Variants in DSE observed in about 807,000 individuals in gnomAD.
DSE encodes dermatan-sulfate epimerase.
DSE carries 36 observed loss-of-function variants against 84.4 expected under a neutral mutation model. That is an observed-to-expected ratio of 0.43 (90% CI 0.33 to 0.56). The LOEUF (loss-of-function observed/expected upper bound fraction) is 0.56. Ranked by LOEUF, DSE falls within the 20% of genes least tolerant of loss-of-function variation. The pLI is 0.06. For synonymous variants in DSE, 410 were observed against 430.1 expected (o/e 0.95, Z 0.58); for missense variants, 862 against 1,169.6 (o/e 0.74, Z 3.84).
chr6:116,379,064 C>G (rs1171280583), intron 1 of DSE, among the ~76,000 whole-genome samples: 1 of 152,046 alleles, frequency 6.6e-6, no homozygotes, highest in Non-Finnish European at 1.5e-5. Context: ...TAAGAAGATG[C>G]AATCTCCAGC....
chr6:116,343,622 T>G (rs1476174193), intron 2 of DSE, among the ~76,000 whole-genome samples: 1 of 151,882 alleles, frequency 6.6e-6, no homozygotes, highest in Non-Finnish European at 1.5e-5. Flanking sequence ...AGAAAGGACA[T>G]CCACACTATC....
At chr6:116,258,381 C>A in intron 1 of DSE, 1 of 654,912 alleles carries the variant, frequency 1.5e-6, no homozygotes, top group Non-Finnish European at 2.8e-6. Context: ...TATTGTATAT[C>A]AACATGCACA....
chr6:116,296,257 G>A (rs1774658149), intron 2 of DSE, among the ~76,000 whole-genome samples: 1 of 152,150 alleles, frequency 6.6e-6, no homozygotes, highest in African/African-American at 2.4e-5. Context: ...TAAATGATAT[G>A]TAAACAATGT....
Position 116,433,323 on chromosome 6 carries a change from T to C in DSE, c.911-20T>C. 3 of 1,549,758 alleles carry C rather than the reference T, an allele frequency of 1.9e-6. No homozygotes were observed. The highest frequency in any genetic ancestry group is 2.6e-6 in the Non-Finnish European group (3 of 1,146,450). On this transcript the variant is annotated intron_variant, in intron 4 of 5. Coordinates refer to ENST00000644252, the MANE Select transcript of DSE (RefSeq NM_013352.4). ...TGAAGTTTTCAAAGTATCTTAATTC[T>C]TTCCAACTTATTTCCCTAGGGTTTC...
In DSE at chr6:116,410,508, C is replaced by T. The variant is rs1410767251; in HGVS notation, c.416+10842C>T. 3.9e-5 allele frequency among the ~76,000 whole-genome samples: 6 copies of T among 151,986 alleles called. No individual in the cohort carries two copies. In the East Asian group the frequency reaches 9.6e-4, roughly 24 times the overall value. The stretch of plus-strand genomic sequence containing the variant: ...CAGCACTTTGGTAGGCAGAGGCAGG[C>T]GGATCACAAGGTCAGGAGATCGAGA... On this transcript the variant is annotated intron_variant, in intron 2 of 5. Transcript: ENST00000644252.
intron 2 of DSE, chr6:116,279,945 G>T: frequency 6.8e-7 from 1 of 1,468,432 alleles, no homozygotes; most frequent in Non-Finnish European, 9.5e-7. Context: ...TTTCAGCGGC[G>T]GTGTCGTCAG....
At chr6:116,340,628 A>G (rs1459153770) in intron 2 of DSE, among the ~76,000 whole-genome samples, 3 of 151,942 alleles carry the variant, frequency 2.0e-5, no homozygotes, top group Non-Finnish European at 4.4e-5. Flanking sequence ...TCCTAATGCT[A>G]TCCCTCCCCC....
chr6:116,330,281 T>C (rs1776861730), intron 2 of DSE, among the ~76,000 whole-genome samples: 1 of 152,210 alleles, frequency 6.6e-6, no homozygotes, highest in Admixed American at 6.5e-5. Context: ...TAATTATTAT[T>C]TGTTTCATTT....
chr6:116,279,890 G>T, intron 2 of DSE: 3 of 1,610,728 alleles, frequency 1.9e-6, no homozygotes, highest in South Asian at 1.1e-5. Flanking sequence ...GCCGAACTGG[G>T]AGCTAACCGC....
At chr6:116,394,377 T>G (rs1781107548) in intron 1 of DSE, among the ~76,000 whole-genome samples, 1 of 152,286 alleles carries the variant, frequency 6.6e-6, no homozygotes, top group South Asian at 2.1e-4. Context: ...CTTGGACTGC[T>G]GAATATATAC....
chr6:116,311,843 A>G (rs1286597508), intron 2 of DSE, among the ~76,000 whole-genome samples: 1 of 152,190 alleles, frequency 6.6e-6, no homozygotes, highest in Admixed American at 6.6e-5. Flanking sequence ...GTTCTTCTGC[A>G]TGATAGTTAT....
At chr6:116,413,608 G>C (rs192305582) in intron 2 of DSE, among the ~76,000 whole-genome samples, 1 of 152,266 alleles carries the variant, frequency 6.6e-6, no homozygotes, top group Non-Finnish European at 1.5e-5. Flanking sequence ...ACTGCACCCA[G>C]AGTAAAATCA....
chr6:116,290,737 A>T (rs576940012), intron 2 of DSE, among the ~76,000 whole-genome samples: 9 of 152,156 alleles, frequency 5.9e-5, no homozygotes, highest in Non-Finnish European at 1.3e-4. Flanking sequence ...CACTTAGTAT[A>T]TCATCTACCC....
exon 2 of DSE, chr6:116,258,779 C>T: frequency 6.2e-7 from 1 of 1,609,970 alleles, no homozygotes. Context: ...ATGGCGTTCA[C>T]CAGGACCTGC....
At chr6:116,269,520 T>C (rs747337184) in intron 2 of DSE, among the ~76,000 whole-genome samples, 4 of 152,262 alleles carry the variant, frequency 2.6e-5, no homozygotes, top group Middle Eastern at 3.4e-3. Flanking sequence ...AAGAGTTGAA[T>C]TGGACCAAGT....
intron 2 of DSE, among the ~76,000 whole-genome samples, chr6:116,324,281 C>T (rs556422155): frequency 6.6e-6 from 1 of 152,110 alleles, no homozygotes; most frequent in Admixed American, 6.5e-5. Flanking sequence ...CAGTTTTTGG[C>T]CTAACTCCAA....
At chr6:116,277,908 C>CAAAAAAAAA (rs57691187) in intron 2 of DSE, 2 of 57,334 alleles carry the variant, frequency 3.5e-5, no homozygotes, top group Admixed American at 2.0e-4. Flanking sequence ...TCCTCCGTCT[C>CAAAAAAAAA]AAAAAAAAAA....
chr6:116,399,241 T>C lies in DSE; in HGVS notation c.-10T>C. 2 of 1,613,572 alleles carry C rather than the reference T, an allele frequency of 1.2e-6. No homozygotes were observed. Among genetic ancestry groups the C allele is most frequent in the South Asian group, 2.2e-5 (2 of 91,084 alleles). On this transcript the variant is annotated 5_prime_UTR_variant, in exon 2 of 6. Coordinates refer to ENST00000644252, the MANE Select transcript of DSE (RefSeq NM_013352.4). ...TGGCTGCCTTGGAGATTTGGAGATCTGATGCCACGATGAGGACTCACACAC... is the reference window on the plus strand; with the variant it reads ...TGGCTGCCTTGGAGATTTGGAGATCCGATGCCACGATGAGGACTCACACAC...
intron 2 of DSE, chr6:116,279,773 T>C (rs1773390506): frequency 6.2e-7 from 1 of 1,612,692 alleles, no homozygotes; most frequent in South Asian, 1.1e-5. Context: ...TGGTCAGAAA[T>C]AATGATGCTG....
Sources: allele counts gnomAD v4.1 joint callset (sites outside exome capture counted in the v4.1 genomes callset), GRCh38; gene constraint gnomAD v4.1.1; transcripts MANE v1.5; gene names NCBI Gene and HGNC (gene_info 2026-07-23, HGNC 2026-07-21).